The following CYTH4 variants were observed in gnomAD, a reference collection of about 807,000 sequenced individuals.
The protein encoded by CYTH4 is cytohesin 4.
In CYTH4, 22 loss-of-function variants were observed where a neutral mutation model predicts 57.5. The ratio of observed to expected loss-of-function variants is 0.38; its 90% confidence interval spans 0.27 to 0.55. The LOEUF is 0.55. Among genes scored for constraint, CYTH4 ranks in the 20% least tolerant of loss-of-function variants. CYTH4 has a pLI of 0.74. For synonymous variants in CYTH4, 186 were observed against 206.5 expected (o/e 0.90, Z 0.85); for missense variants, 420 against 535.6 (o/e 0.78, Z 2.13).
intron 6 of CYTH4, chr22:37,300,052 A>G (rs1351913650): frequency 5.6e-6 from 4 of 717,086 alleles, no homozygotes; most frequent in Non-Finnish European, 1.0e-5. Flanking sequence ...GGGGATAATA[A>G]TAGTACCAAC....
Position 37,291,467 on chromosome 22 carries a change from C to T in CYTH4, c.20-1154C>T, listed in dbSNP as rs73164547. On this transcript the variant is annotated intron_variant, in intron 1 of 12. Transcript: ENST00000248901. ...AGAAATGCGGCCAGGCACTTCCCGA[C>T]GCTGGAACTTGAAGGTCAGCGAGGA... Among the ~76,000 whole-genome samples the T allele has an allele frequency of 9.0e-3, 1,363 of 152,286 alleles. 7 individuals carry two copies. Among genetic ancestry groups the T allele is most frequent in the Non-Finnish European group, 0.013 (918 of 68,016 alleles).
At chr22:37,297,753 C>G in intron 5 of CYTH4, 71 bp downstream of exon 5, 2 of 1,305,998 alleles carry the variant, frequency 1.5e-6, no homozygotes, top group Non-Finnish European at 2.2e-6. Flanking sequence ...TGTGGATGTG[C>G]AGGTGAGAGG....
At chr22:37,313,253 C>A (rs779239921) in intron 12 of CYTH4, among the ~76,000 whole-genome samples, 186 bp from the exon 13 acceptor site, 1 of 152,258 alleles carries the variant, frequency 6.6e-6, no homozygotes, top group East Asian at 1.9e-4. Flanking sequence ...CCATGGGACA[C>A]TGGGTTAGGC....
At chr22:37,292,740 C>G in intron 2 of CYTH4, 37 bp downstream of exon 2, 2 of 1,603,646 alleles carry the variant, frequency 1.2e-6, no homozygotes, top group Non-Finnish European at 1.7e-6. Context: ...GTGTCCATGC[C>G]CACACTCCTG....
At chr22:37,312,312 C>T (rs1601713286) in intron 12 of CYTH4, 138 bp downstream of exon 12, 2 of 1,251,884 alleles carry the variant, frequency 1.6e-6, no homozygotes, top group East Asian at 2.6e-5. Context: ...ACCCCTTCCA[C>T]CCGTATTCCA....
At chr22:37,288,922 C>T (rs1928650047) in intron 1 of CYTH4, among the ~76,000 whole-genome samples, 1 of 152,206 alleles carries the variant, frequency 6.6e-6, no homozygotes, top group Non-Finnish European at 1.5e-5. Context: ...GAGAGCATCC[C>T]TTGGTCTTCT....
intron 9 of CYTH4, chr22:37,309,905 AG>A (rs1929574123): frequency 2.4e-6 from 1 of 410,520 alleles, no homozygotes; most frequent in Non-Finnish European, 5.1e-6. Flanking sequence ...TGGGAGCTGC[AG>A]TAATAGTGGC....
chr22:37,282,815 C>T (rs1162563244), intron 1 of CYTH4, among the ~76,000 whole-genome samples: 2 of 152,186 alleles, frequency 1.3e-5, no homozygotes, highest in Non-Finnish European at 2.9e-5. Context: ...TAGGCTTGTG[C>T]TCTAGATGAG....
chr22:37,289,515 A>G (rs1366763649), intron 1 of CYTH4, among the ~76,000 whole-genome samples: 2 of 152,224 alleles, frequency 1.3e-5, no homozygotes, highest in African/African-American at 2.4e-5. Flanking sequence ...CTCTGTTGTT[A>G]GAAAGTCATA....
rs570567963 is a variant in CYTH4 at position 37,311,902 on chromosome 22, G to A, written c.958-118G>A. ...TGGGAGCAGCAGCTCCTGCCCCTTC[G>A]CCTGTCGTAGGGCTGTCACGCTGAT... On this transcript the variant is annotated intron_variant, in intron 11 of 12. Transcript: ENST00000248901. This position sits in a 1 kb window ranked among gnomAD's most constrained non-coding sequence, Gnocchi z 4.4. 7.6e-6 allele frequency: 10 copies of A among 1,316,390 alleles called. No homozygotes were observed. Among genetic ancestry groups the A allele is most frequent in the South Asian group, 5.8e-5 (4 of 69,498 alleles). 81.5% of individuals were successfully genotyped at this position (1,316,390 alleles called of 1,614,324 possible). A position where few individuals can be genotyped will look rare whatever the true frequency, so the allele number is the denominator to read the frequency against.
chr22:37,299,745 C>T (rs1348113216), intron 6 of CYTH4, among the ~76,000 whole-genome samples: 2 of 152,194 alleles, frequency 1.3e-5, no homozygotes, highest in Non-Finnish European at 2.9e-5. Context: ...GTTTGAAGCA[C>T]AAACTCTGGA....
Position 37,312,153 on chromosome 22 carries a change from A to G in CYTH4, c.1091A>G (p.Asp364Gly). The change falls in exon 12 of 13, where the codon GAC becomes GGC. Residue 364 changes from aspartate to glycine, a missense_variant. By Grantham distance (94) the Asp-to-Gly change is moderately conservative. Transcript: ENST00000248901. ...TCAGCCACCAGTGCCGAGGAACGTG[A>G]CCAGTGGATCGAGTCCATCCGGTAA... is the stretch of plus-strand genomic sequence containing the variant. ...RISATSAEER[D>G]QWIESIRASI... 1 of 1,614,204 alleles carries G rather than the reference A, an allele frequency of 6.2e-7. No individual in the cohort carries two copies. The highest frequency in any genetic ancestry group is 8.5e-7 in the Non-Finnish European group (1 of 1,180,012).
Position 37,296,027 on chromosome 22 carries a change from T to C in CYTH4, c.196T>C (p.Cys66Arg). ...GATGGCCCAGAAGGAGAAGGAGCTGTGTATTGGGCGCAAGAAGTTCAACAT... is the reference window on the plus strand; with the variant it reads ...GATGGCCCAGAAGGAGAAGGAGCTGCGTATTGGGCGCAAGAAGTTCAACAT... Reference protein sequence around the residue: ...SRMAQKEKELCIGRKKFNMDP... With the variant: ...SRMAQKEKELRIGRKKFNMDP... The change falls in exon 4 of 13, where the codon TGT becomes CGT. Residue 66 changes from cysteine (C) to arginine (R), a missense_variant. Physicochemically the swap from Cys to Arg is radical, Grantham distance 180. Coordinates refer to ENST00000248901, the MANE Select transcript of CYTH4 (RefSeq NM_013385.5). 6.2e-7 allele frequency: 1 copy of C among 1,613,306 alleles called. No individual in the cohort carries two copies. The highest frequency in any genetic ancestry group is 2.2e-5 in the East Asian group (1 of 44,870).
At chr22:37,294,613 T>C in intron 2 of CYTH4, 47 bp from the exon 3 acceptor site, 1 of 1,608,950 alleles carries the variant, frequency 6.2e-7, no homozygotes. Context: ...CCCGGGGTTC[T>C]GGCCTCCACC....
At chr22:37,307,500 C>G (rs1001462643) in intron 8 of CYTH4, among the ~76,000 whole-genome samples, 3 of 152,166 alleles carry the variant, frequency 2.0e-5, no homozygotes, top group Non-Finnish European at 4.4e-5. Context: ...CTTCCCCACC[C>G]CCATAGCCCC....
chr22:37,310,040 C>T (rs1459813688), intron 9 of CYTH4: 1 of 467,948 alleles, frequency 2.1e-6, no homozygotes, highest in Non-Finnish European at 4.4e-6. Context: ...CAGGTGAGGA[C>T]AGATGCCTCA....
chr22:37,293,896 G>A (rs1169047753), intron 2 of CYTH4, among the ~76,000 whole-genome samples: 2 of 151,914 alleles, frequency 1.3e-5, no homozygotes, highest in African/African-American at 4.8e-5. Flanking sequence ...ATCTCTCTAC[G>A]CCTCAGTGTC....
rs1465695659 is a variant in CYTH4, at chr22:37,295,982, C to T, written c.168-17C>T. On this transcript the variant is annotated splice_polypyrimidine_tract_variant and intron_variant, in intron 3 of 12. Coordinates refer to ENST00000248901, the MANE Select transcript of CYTH4 (RefSeq NM_013385.5). The surrounding 1 kb of genome is among the most constrained non-coding windows in gnomAD (Gnocchi z 4.1). ...AGGGTCCTGGGGCAGCCCAAGCTGA[C>T]GTCCTCATGTCCACAGCCGGATGGC... 8.1e-6 allele frequency: 13 copies of T among 1,610,342 alleles called. No homozygotes were observed. The highest frequency in any genetic ancestry group is 1.6e-4 in the Middle Eastern group (1 of 6,078).
intron 7 of CYTH4, among the ~76,000 whole-genome samples, chr22:37,301,435 T>A (rs964060489): frequency 6.6e-6 from 1 of 151,872 alleles, no homozygotes; most frequent in Non-Finnish European, 1.5e-5. Flanking sequence ...CCCAGAAACA[T>A]GAAACAGCCT....
Sources: gnomAD v4.1 joint callset for allele counts (sites outside exome capture counted in the v4.1 genomes callset) on GRCh38, gnomAD v4.1.1 for gene constraint, Gnocchi (gnomAD v3.1) non-coding constraint, MANE v1.5 for transcripts, NCBI Gene and HGNC (gene_info 2026-07-23, HGNC 2026-07-21) for gene names.